LRRC4C: variants seen among roughly 807,000 people sequenced by gnomAD.
LRRC4C encodes leucine rich repeat containing 4C.
LRRC4C carries 5 observed loss-of-function variants against 33.6 expected under a neutral mutation model. That is an observed-to-expected ratio of 0.15 (90% CI 0.08 to 0.31). The LOEUF (loss-of-function observed/expected upper bound fraction) is 0.31. LRRC4C is among the 10% of genes least tolerant of loss of function. The probability of loss-of-function intolerance (pLI) is 1.00; values close to 1 mark genes in which losing one functional copy is unlikely to be tolerated. For synonymous variants in LRRC4C, 329 were observed against 302.0 expected (o/e 1.09, Z -0.93); for missense variants, 560 against 796.7 (o/e 0.70, Z 3.58).
At chr11:40,584,632 C>CA (rs1433700729) in intron 3 of LRRC4C, among the ~76,000 whole-genome samples, 3 of 151,918 alleles carry the variant, frequency 2.0e-5, no homozygotes, top group African/African-American at 7.3e-5. Flanking sequence ...TAATATCAGG[C>CA]AGAAACATGA....
chr11:41,440,675 G>A (rs1400603341), intron 1 of LRRC4C, among the ~76,000 whole-genome samples: 2 of 152,064 alleles, frequency 1.3e-5, no homozygotes, highest in African/African-American at 4.8e-5. Context: ...TGTGTCACGG[G>A]AGGGACCTGG....
At chr11:40,582,986 G>A (rs574498899) in intron 3 of LRRC4C, among the ~76,000 whole-genome samples, 359 of 152,174 alleles carry the variant, frequency 2.4e-3, no homozygotes, top group African/African-American at 8.2e-3. Context: ...TTTTCTCCTA[G>A]TTATTTTGAA....
At chr11:41,402,515 G>A (rs1954063832) in intron 1 of LRRC4C, among the ~76,000 whole-genome samples, 1 of 152,152 alleles carries the variant, frequency 6.6e-6, no homozygotes, top group Admixed American at 6.6e-5. Context: ...AGGGCTCTGA[G>A]AAATGTGGAA....
At chr11:41,270,234 T>G (rs1404845546) in intron 1 of LRRC4C, among the ~76,000 whole-genome samples, 2 of 152,122 alleles carry the variant, frequency 1.3e-5, no homozygotes, top group Non-Finnish European at 2.9e-5. Context: ...ACTCCTTCAG[T>G]GCAAAACCTC....
At chr11:40,350,621 C>T (rs1424539042) in intron 3 of LRRC4C, among the ~76,000 whole-genome samples, 1 of 151,896 alleles carries the variant, frequency 6.6e-6, no homozygotes. Context: ...TTTCATATTT[C>T]TATGAAGAGT....
chr11:40,328,246 TTTATCC>T, intron 3 of LRRC4C, among the ~76,000 whole-genome samples: 1 of 152,156 alleles, frequency 6.6e-6, no homozygotes, highest in East Asian at 1.9e-4. Flanking sequence ...ATGTAGCCAC[TTTATCC>T]TTATTTATTT....
chr11:40,208,594 A>G (rs2135796610), intron 5 of LRRC4C, among the ~76,000 whole-genome samples: 2 of 152,332 alleles, frequency 1.3e-5, no homozygotes, highest in South Asian at 4.1e-4. Flanking sequence ...AGCCCTGACA[A>G]CTGAAAGCTA....
At chr11:41,181,426 C>T (rs768381969) in intron 1 of LRRC4C, among the ~76,000 whole-genome samples, 1 of 152,044 alleles carries the variant, frequency 6.6e-6, no homozygotes, top group Non-Finnish European at 1.5e-5. Flanking sequence ...CCTGAGCCAC[C>T]ACTGGTCTCA....
intron 4 of LRRC4C, 158 bp from the exon 5 acceptor site, chr11:40,241,756 T>C (rs1430207630): frequency 1.3e-5 from 2 of 152,222 alleles, no homozygotes; most frequent in African/African-American, 2.4e-5. Flanking sequence ...CTTGGCACTA[T>C]TGATGTTCCA....
intron 4 of LRRC4C, among the ~76,000 whole-genome samples, chr11:40,274,420 C>CAT (rs1378079127): frequency 4.8e-5 from 6 of 125,670 alleles, no homozygotes; most frequent in Non-Finnish European, 9.8e-5. Flanking sequence ...AATAGACACA[C>CAT]ACATACACAC....
rs536216064 is a variant in LRRC4C at position 40,395,343 on chromosome 11, C to T, written c.-269-75622G>A. On this transcript the variant is annotated intron_variant, in intron 3 of 6. Transcript: ENST00000528697. ...TCCTGTGAAGCGTAACTCTGCTCAGCCACTCATTTATTTTTCTGATGTCTT... is the reference window on the plus strand; with the variant it reads ...TCCTGTGAAGCGTAACTCTGCTCAGTCACTCATTTATTTTTCTGATGTCTT... 1.5e-4 allele frequency among the ~76,000 whole-genome samples: 23 copies of T among 152,204 alleles called. No homozygotes were observed. The East Asian group carries it at 4.1e-3, about 27-fold the overall frequency.
chr11:40,615,157 T>G (rs1488283768), intron 3 of LRRC4C, among the ~76,000 whole-genome samples: 1 of 150,508 alleles, frequency 6.6e-6, no homozygotes, highest in Admixed American at 6.7e-5. Flanking sequence ...TAATGTCTGA[T>G]GAGTACGGAA....
At chr11:40,777,822 G>C (rs1429098573) in intron 2 of LRRC4C, among the ~76,000 whole-genome samples, 1 of 151,736 alleles carries the variant, frequency 6.6e-6, no homozygotes, top group Non-Finnish European at 1.5e-5. Context: ...CGAGTAGCTG[G>C]GACTACAGGC....
intron 1 of LRRC4C, among the ~76,000 whole-genome samples, chr11:41,094,834 A>T (rs925676411): frequency 1.3e-5 from 2 of 152,160 alleles, no homozygotes; most frequent in African/African-American, 2.4e-5. Flanking sequence ...ATAATTTTTT[A>T]AACTAGGTGA....
intron 1 of LRRC4C, among the ~76,000 whole-genome samples, chr11:41,425,627 G>A (rs1955013390): frequency 6.6e-6 from 1 of 152,072 alleles, no homozygotes; most frequent in South Asian, 2.1e-4. Flanking sequence ...AATTACAAAT[G>A]AATCAGAAGA....
chr11:40,807,815 A>G (rs927289673), intron 2 of LRRC4C, among the ~76,000 whole-genome samples: 3 of 152,192 alleles, frequency 2.0e-5, no homozygotes, highest in Non-Finnish European at 2.9e-5. Context: ...TCTTAAGACA[A>G]AGCTTTGATT....
rs147560670 is a variant in LRRC4C, at chr11:40,420,350, G to C, written c.-269-100629C>G. On this transcript the variant is annotated intron_variant, in intron 3 of 6. Coordinates refer to ENST00000528697, the MANE Select transcript of LRRC4C (RefSeq NM_001258419.2). ...ACAGACCCCTCTGACAGCCAACTTT[G>C]TCTCAAGAACTCCCTGACAGCCTTG... 6.9e-3 allele frequency among the ~76,000 whole-genome samples: 1,045 copies of C among 152,238 alleles called. 6 individuals are homozygous for C. The highest frequency in any genetic ancestry group is 0.014 in the Middle Eastern group (4 of 294).
At chr11:40,271,297 A>G (rs959617316) in intron 4 of LRRC4C, among the ~76,000 whole-genome samples, 6 of 152,164 alleles carry the variant, frequency 3.9e-5, no homozygotes, top group Non-Finnish European at 8.8e-5. Context: ...CCTTTCAACA[A>G]CACTGAATAG....
In LRRC4C at chr11:40,788,736, A is replaced by G. The variant is rs182329994; in HGVS notation, c.-406-140458T>C. Among the ~76,000 whole-genome samples the G allele has an allele frequency of 7.2e-5, 11 of 152,294 alleles. No homozygotes were observed. In the East Asian group the frequency reaches 2.1e-3, roughly 29 times the overall value. ...CTCTTCAAATCTTTCCTGGAATGCC[A>G]TGAATATTAGACACCTATTGGGATA... is the stretch of plus-strand genomic sequence containing the variant. On this transcript the variant is annotated intron_variant, in intron 2 of 6. Coordinates refer to ENST00000528697, the MANE Select transcript of LRRC4C (RefSeq NM_001258419.2).
Sources: gnomAD v4.1 joint callset for allele counts (sites outside exome capture counted in the v4.1 genomes callset) on GRCh38, gnomAD v4.1.1 for gene constraint, MANE v1.5 for transcripts, NCBI Gene and HGNC (gene_info 2026-07-23, HGNC 2026-07-21) for gene names.